CLTCL1: variants seen among roughly 807,000 people sequenced by gnomAD.
CLTCL1 encodes clathrin heavy chain 2.
A neutral mutation model predicts 190.0 loss-of-function variants in CLTCL1; 159 were observed. The ratio of observed to expected loss-of-function variants is 0.84; its 90% confidence interval spans 0.74 to 0.95. The LOEUF is 0.95. Ranked by LOEUF, CLTCL1 falls within the 40% of genes least tolerant of loss-of-function variation. CLTCL1 has a pLI of 0.00. For synonymous variants in CLTCL1, 752 were observed against 769.6 expected (o/e 0.98, Z 0.38); for missense variants, 1,878 against 2,033.4 (o/e 0.92, Z 1.47).
At chr22:19,259,516 G>C (rs1555974502) in intron 2 of CLTCL1, among the ~76,000 whole-genome samples, 1 of 152,104 alleles carries the variant, frequency 6.6e-6, no homozygotes, top group Non-Finnish European at 1.5e-5. Flanking sequence ...TCACACTTTG[G>C]TAATTCTCAT....
chr22:19,218,014 A>C (rs1273423708), intron 18 of CLTCL1, among the ~76,000 whole-genome samples: 3 of 152,156 alleles, frequency 2.0e-5, no homozygotes, highest in Non-Finnish European at 1.5e-5. Flanking sequence ...AACTTTTCAT[A>C]ATGAGGTTCC....
In CLTCL1 at chr22:19,235,783, G is replaced by A; in HGVS notation, c.882C>T (p.Cys294=). The A allele has an allele frequency of 6.2e-7, 1 of 1,613,980 alleles. No homozygotes were observed. The highest frequency in any genetic ancestry group is 8.5e-7 in the Non-Finnish European group (1 of 1,179,850). ...TTGTGTCAGCACTAATACGGTTCAT[G>A]CAGATGCACACGCCAGACTCTAGGT... ...LYDLESGVCI[C]MNRISADTIF... is the part of the protein sequence containing the mutation. Residue 294 remains cysteine (C), a synonymous_variant, in exon 6 of 33, where the codon TGC becomes TGT. Transcript: ENST00000427926.
intron 5 of CLTCL1, chr22:19,238,503 C>G (rs1421595256): frequency 4.7e-6 from 1 of 213,754 alleles, no homozygotes; most frequent in Non-Finnish European, 1.0e-5. Flanking sequence ...GGAAAGCACA[C>G]TTGATCCTGT....
intron 14 of CLTCL1, 103 bp downstream of exon 14, chr22:19,223,788 C>T (rs112298481): frequency 6.7e-5 from 93 of 1,380,144 alleles, no homozygotes; most frequent in Admixed American, 5.1e-4. Flanking sequence ...GGGTCCCTGG[C>T]GAGACAGATC....
rs782616131 is a variant in CLTCL1 at position 19,235,881 on chromosome 22, CAG to C, written c.796-14_796-13del. Reference sequence around the variant, plus strand: ...TGTTTAGCTCCAATCTATAAGAAGACAGAGAGCAAGAGGTTGGAAAGTAAGGA... The same window carrying C: ...TGTTTAGCTCCAATCTATAAGAAGACAGAGCAAGAGGTTGGAAAGTAAGGA... On this transcript the variant is annotated splice_polypyrimidine_tract_variant and intron_variant, in intron 5 of 32. Coordinates refer to ENST00000427926, the MANE Select transcript of CLTCL1 (RefSeq NM_007098.4). The C allele has an allele frequency of 2.0e-5, 33 of 1,610,190 alleles. No individual in the cohort carries two copies. The East Asian group carries it at 4.7e-4, about 23-fold the overall frequency.
At position 19,191,435 on chromosome 22, in the gene CLTCL1, C is replaced by T; in HGVS notation, c.4192G>A (p.Val1398Ile). Residue 1398 changes from valine to isoleucine, a missense_variant and splice_region_variant, in exon 27 of 33, where the codon GTT (valine) becomes ATT (isoleucine). Transcript: ENST00000427926. ...EGQFKDIITK[V>I]ANVELCYRAL... ...CTGTAACAGAGCTCGACGTTGGCAA[C>T]CTGTGGTGAGCAAAGCTGAGGGTCA... 6.2e-7 allele frequency: 1 copy of T among 1,613,204 alleles called. No homozygotes were observed. The highest frequency in any genetic ancestry group is 8.5e-7 in the Non-Finnish European group (1 of 1,179,840).
At chr22:19,267,390 T>G (rs1485875251) in intron 2 of CLTCL1, among the ~76,000 whole-genome samples, 1 of 152,180 alleles carries the variant, frequency 6.6e-6, no homozygotes, top group Non-Finnish European at 1.5e-5. Flanking sequence ...TCTTACCAAA[T>G]TGATAAATTC....
chr22:19,264,167 C>T (rs552661853), intron 2 of CLTCL1, among the ~76,000 whole-genome samples: 7 of 151,516 alleles, frequency 4.6e-5, no homozygotes, highest in South Asian at 4.2e-4. Context: ...GTTGTAGTGG[C>T]GCATGCCTAT....
chr22:19,187,460 C>G, intron 29 of CLTCL1, 98 bp downstream of exon 29: 1 of 1,268,402 alleles, frequency 7.9e-7, no homozygotes, highest in Non-Finnish European at 1.1e-6. Context: ...AGCTCAGAGC[C>G]AGGTCTCAGG....
intron 1 of CLTCL1, among the ~76,000 whole-genome samples, chr22:19,285,164 A>ACT (rs1458100059): frequency 6.6e-6 from 1 of 150,428 alleles, no homozygotes; most frequent in African/African-American, 2.5e-5. Flanking sequence ...AGTCCCAGCT[A>ACT]CTCGGGAGGC....
rs374972038 is a variant in CLTCL1, at chr22:19,226,354, C to T, written c.1812G>A (p.Met604Ile). Residue 604 changes from methionine to isoleucine, a missense_variant, in exon 12 of 33, where the codon ATG becomes ATA. By Grantham distance (10) the Met-to-Ile change is conservative (BLOSUM62 1). Transcript: ENST00000427926. ...TGTGGGCCCGGTCGTAATGAGTAAA[C>T]ATTTTATTTCCAAGGATGGCATCTG... Reference protein sequence around the residue: ...QVADAILGNKMFTHYDRAHIA... With the variant: ...QVADAILGNKIFTHYDRAHIA... 3 of 1,613,892 alleles carry T rather than the reference C, an allele frequency of 1.9e-6. No individual in the cohort carries two copies. Among genetic ancestry groups the T allele is most frequent in the Non-Finnish European group, 2.5e-6 (3 of 1,179,888 alleles).
At chr22:19,261,064 C>T (rs1091013) in intron 2 of CLTCL1, among the ~76,000 whole-genome samples, 58,317 of 151,854 alleles carry the variant, frequency 0.38, 12,123 homozygotes, top group South Asian at 0.54. Context: ...TTCTGCAATC[C>T]GTGGATCAAA....
chr22:19,220,875 G>A (rs1157971596), intron 17 of CLTCL1, among the ~76,000 whole-genome samples: 2 of 152,194 alleles, frequency 1.3e-5, no homozygotes, highest in African/African-American at 4.8e-5. Context: ...AAAAGACCTG[G>A]GCAGATGTCT....
chr22:19,200,087 G>A (rs184007740), intron 23 of CLTCL1, among the ~76,000 whole-genome samples: 21 of 152,278 alleles, frequency 1.4e-4, no homozygotes, highest in African/African-American at 3.6e-4. Context: ...GCATTACTTC[G>A]TAGGCCCTGA....
intron 1 of CLTCL1, among the ~76,000 whole-genome samples, chr22:19,283,121 C>T (rs1397868809): frequency 6.6e-6 from 1 of 151,986 alleles, no homozygotes; most frequent in Non-Finnish European, 1.5e-5. Context: ...ATCCACCCGC[C>T]TCGGCCTCCC....
intron 10 of CLTCL1, 132 bp downstream of exon 10, chr22:19,232,344 A>T: frequency 2.4e-6 from 3 of 1,266,846 alleles, no homozygotes; most frequent in Non-Finnish European, 2.2e-6. Flanking sequence ...AGTACACTAG[A>T]TTTTTTAAAA....
At chr22:19,219,398 T>C (rs2085495253) in intron 18 of CLTCL1, among the ~76,000 whole-genome samples, 1 of 152,080 alleles carries the variant, frequency 6.6e-6, no homozygotes, top group African/African-American at 2.4e-5. Flanking sequence ...TTGGCCAGGC[T>C]GGACTTGAAC....
chr22:19,262,117 C>T (rs1175890769), intron 2 of CLTCL1, among the ~76,000 whole-genome samples: 1 of 151,938 alleles, frequency 6.6e-6, no homozygotes, highest in African/African-American at 2.4e-5. Flanking sequence ...CCTCCACCTC[C>T]CGGATTCAAG....
At chr22:19,281,150 C>G (rs1325242224) in intron 1 of CLTCL1, among the ~76,000 whole-genome samples, 16 of 151,772 alleles carry the variant, frequency 1.1e-4, no homozygotes, top group Non-Finnish European at 2.2e-4. Flanking sequence ...AAAAAATTAG[C>G]CAGGCATGGT....
Sources: allele counts gnomAD v4.1 joint callset (sites outside exome capture counted in the v4.1 genomes callset), GRCh38; gene constraint gnomAD v4.1.1; transcripts MANE v1.5; gene names NCBI Gene and HGNC (gene_info 2026-07-23, HGNC 2026-07-21).